Variants in SCTR observed in about 807,000 individuals in gnomAD.
SCTR encodes the protein secretin receptor.
Under a neutral mutation model 60.8 loss-of-function variants are expected in SCTR, and 56 were observed. The observed-to-expected ratio is 0.92, with a 90% CI of 0.74 to 1.15. The LOEUF is 1.15. Ranked by LOEUF, SCTR falls within the 50% of genes most tolerant of loss-of-function variation. SCTR has a pLI of 0.00. For synonymous variants in SCTR, 202 were observed against 217.0 expected (o/e 0.93, Z 0.61); for missense variants, 562 against 550.4 (o/e 1.02, Z -0.21).
chr2:119,461,746 A>C, intron 7 of SCTR, 101 bp downstream of exon 7: 1 of 675,908 alleles, frequency 1.5e-6, no homozygotes, highest in Non-Finnish European at 2.4e-6. Flanking sequence ...TACACAAGTT[A>C]GTTAAGTGTG....
intron 4 of SCTR, among the ~76,000 whole-genome samples, chr2:119,471,654 C>T (rs1248965239): frequency 6.6e-6 from 1 of 152,200 alleles, no homozygotes; most frequent in East Asian, 1.9e-4. Context: ...CTCCCATGAC[C>T]TCACCCTACC....
At chr2:119,483,649 T>A (rs1677734128) in intron 2 of SCTR, among the ~76,000 whole-genome samples, 1 of 152,238 alleles carries the variant, frequency 6.6e-6, no homozygotes, top group Non-Finnish European at 1.5e-5. Flanking sequence ...ATAGTTGCAC[T>A]TTTTTAAAGA....
chr2:119,449,819 A>C (rs939955271), intron 9 of SCTR, among the ~76,000 whole-genome samples: 2 of 152,120 alleles, frequency 1.3e-5, no homozygotes, highest in African/African-American at 4.8e-5. Flanking sequence ...CTTCTCTGCA[A>C]CTTGCTTATG....
At chr2:119,522,452 A>T (rs1291677651) in intron 1 of SCTR, among the ~76,000 whole-genome samples, 1 of 152,072 alleles carries the variant, frequency 6.6e-6, no homozygotes, top group East Asian at 1.9e-4. Flanking sequence ...CTCTACTACT[A>T]ACTTGCTGAT....
chr2:119,504,597 T>A (rs1678668630), intron 1 of SCTR, among the ~76,000 whole-genome samples: 1 of 151,298 alleles, frequency 6.6e-6, no homozygotes, highest in Admixed American at 6.6e-5. Context: ...TCTCAAAAAA[T>A]AAAAATTAAA....
At chr2:119,516,788 C>T (rs926833519) in intron 1 of SCTR, among the ~76,000 whole-genome samples, 1 of 152,036 alleles carries the variant, frequency 6.6e-6, no homozygotes, top group Non-Finnish European at 1.5e-5. Flanking sequence ...GGTGGAACCG[C>T]GTCCCCACTA....
intron 7 of SCTR, among the ~76,000 whole-genome samples, chr2:119,457,001 G>A (rs768637192): frequency 3.9e-5 from 6 of 152,198 alleles, no homozygotes; most frequent in African/African-American, 7.2e-5. Flanking sequence ...CCCTGCCAAC[G>A]CGTTGATTTC....
chr2:119,458,122 T>A (rs181160035), intron 7 of SCTR, among the ~76,000 whole-genome samples: 1 of 151,500 alleles, frequency 6.6e-6, no homozygotes, highest in African/African-American at 2.4e-5. Flanking sequence ...AGTGAGACAC[T>A]GTCTCTACAA....
At chr2:119,458,306 G>GA (rs111894328) in intron 7 of SCTR, among the ~76,000 whole-genome samples, 3,479 of 84,794 alleles carry the variant, frequency 0.041, 64 homozygotes, top group Middle Eastern at 0.15. Flanking sequence ...ACCCTATCTT[G>GA]AAAAAAAAAA....
intron 1 of SCTR, among the ~76,000 whole-genome samples, chr2:119,498,079 G>A (rs1678415869): frequency 6.6e-6 from 1 of 151,996 alleles, no homozygotes. Context: ...CCACACCAAG[G>A]CACATTATTT....
At chr2:119,496,619 C>T (rs549352369) in intron 1 of SCTR, among the ~76,000 whole-genome samples, 16 of 152,228 alleles carry the variant, frequency 1.1e-4, no homozygotes, top group African/African-American at 3.1e-4. Flanking sequence ...CAAGAATGAC[C>T]CAGTGGTGAG....
chr2:119,442,273 T>C (rs1435097275), intron 11 of SCTR, among the ~76,000 whole-genome samples: 1 of 152,212 alleles, frequency 6.6e-6, no homozygotes, highest in Non-Finnish European at 1.5e-5. Context: ...TGGAGCTCTG[T>C]CAGGGGAGGG....
intron 12 of SCTR, 94 bp downstream of exon 12, chr2:119,441,464 C>G (rs1471495870): frequency 3.0e-6 from 3 of 994,450 alleles, no homozygotes; most frequent in African/African-American, 3.2e-5. Context: ...CTTTCCATCC[C>G]CCTTCCTACC....
At chr2:119,445,118 A>G (rs774277847) in intron 11 of SCTR, among the ~76,000 whole-genome samples, 14 of 152,018 alleles carry the variant, frequency 9.2e-5, no homozygotes, top group Non-Finnish European at 1.6e-4. Context: ...AGTAGTCCAC[A>G]GTCCCAACCA....
intron 1 of SCTR, among the ~76,000 whole-genome samples, chr2:119,518,269 C>G (rs1467512367): frequency 4.6e-5 from 7 of 150,958 alleles, no homozygotes; most frequent in African/African-American, 9.9e-5. Context: ...TTAGACACAT[C>G]TGTAAGGGCA....
At chr2:119,445,650 T>C (rs1172392127) in intron 11 of SCTR, among the ~76,000 whole-genome samples, 1 of 152,224 alleles carries the variant, frequency 6.6e-6, no homozygotes, top group Admixed American at 6.5e-5. Context: ...GGAAATGTCG[T>C]TAAGGACTAA....
At chr2:119,461,568 G>A (rs1683603385) in intron 7 of SCTR, among the ~76,000 whole-genome samples, 1 of 152,132 alleles carries the variant, frequency 6.6e-6, no homozygotes, top group African/African-American at 2.4e-5. Flanking sequence ...AAAATTAGCT[G>A]GGTGTGGTGG....
intron 2 of SCTR, among the ~76,000 whole-genome samples, chr2:119,494,195 G>A (rs770525309): frequency 2.6e-5 from 4 of 152,262 alleles, no homozygotes; most frequent in East Asian, 1.9e-4. Context: ...GGAAAACACC[G>A]GCTATGTTTA....
chr2:119,483,866 A>T (rs1440163679), intron 2 of SCTR, among the ~76,000 whole-genome samples: 1 of 151,900 alleles, frequency 6.6e-6, no homozygotes, highest in Admixed American at 6.6e-5. Context: ...TGGCCTCCTC[A>T]GTGCTTGTGG....
Sources: allele counts gnomAD v4.1 joint callset (sites outside exome capture counted in the v4.1 genomes callset), GRCh38; gene constraint gnomAD v4.1.1; transcripts MANE v1.5; gene names NCBI Gene and HGNC (gene_info 2026-07-23, HGNC 2026-07-21).